GBE1: variants seen among roughly 807,000 people sequenced by gnomAD.
GBE1 encodes the protein 1,4-alpha-glucan-branching enzyme.
A neutral mutation model predicts 88.8 loss-of-function variants in GBE1; 70 were observed. That is an observed-to-expected ratio of 0.79 (90% CI 0.65 to 0.96). The LOEUF is 0.96. Among genes scored for constraint, GBE1 ranks in the 40% least tolerant of loss-of-function variants. The pLI, the probability that GBE1 is intolerant of heterozygous loss-of-function variation, is 0.00. For missense variants in GBE1, 872 were observed against 871.0 expected (o/e 1.00, Z -0.01); for synonymous variants, 284 against 300.1 (o/e 0.95, Z 0.56).
chr3:81,692,020 A>G lies in GBE1; in HGVS notation c.313+13424T>C, dbSNP rs191537120. On this transcript the variant is annotated intron_variant, in intron 2 of 15. Coordinates refer to ENST00000429644, the MANE Select transcript of GBE1 (RefSeq NM_000158.4). The stretch of plus-strand genomic sequence containing the variant: ...AACCTTATTACCCATGCCTTCTCCT[A>G]TGGCTTTTCTCAGGTGGGAAAACTG... Among the ~76,000 whole-genome samples, 14 of 152,224 alleles carry G rather than the reference A, an allele frequency of 9.2e-5. 1 individual carries two copies. Among genetic ancestry groups the G allele is most frequent in the Admixed American group, 7.8e-4 (12 of 15,292 alleles).
At chr3:81,570,865 A>G (rs1559648487) in intron 12 of GBE1, among the ~76,000 whole-genome samples, 1 of 152,234 alleles carries the variant, frequency 6.6e-6, no homozygotes, top group Non-Finnish European at 1.5e-5. Flanking sequence ...AAACATAATT[A>G]TATCTGTAAA....
At position 81,761,639 on chromosome 3, in the gene GBE1, C is replaced by G; in HGVS notation, c.-122G>C. The G allele has an allele frequency of 2.4e-6, 3 of 1,259,458 alleles. No homozygotes were observed. The highest frequency in any genetic ancestry group is 3.2e-6 in the Non-Finnish European group (3 of 932,500). 78.0% of individuals were successfully genotyped at this position (1,259,458 alleles called of 1,614,324 possible). A position where few individuals can be genotyped will look rare whatever the true frequency, so the allele number is the denominator to read the frequency against. ...CGGAGGGCGCCTAGGCGTGTCGAGG[C>G]AAGCCGAGGCGAGCCGCGGCGGTCC... is the stretch of plus-strand genomic sequence containing the variant. On this transcript the variant is annotated 5_prime_UTR_variant, in exon 1 of 16. Transcript: ENST00000429644.
chr3:81,749,790 AATG>A (rs1384404175), intron 1 of GBE1, among the ~76,000 whole-genome samples: 4 of 152,144 alleles, frequency 2.6e-5, no homozygotes, highest in African/African-American at 4.8e-5. Context: ...ATTATTTCAG[AATG>A]ATTTTTTTTA....
At chr3:81,612,303 G>C (rs1264411984) in intron 7 of GBE1, 1 of 806,478 alleles carries the variant, frequency 1.2e-6, no homozygotes, top group Non-Finnish European at 1.9e-6. Context: ...TTCTGCGTTT[G>C]ACTTTAATGT....
At chr3:81,529,832 T>C (rs1702990540) in intron 14 of GBE1, among the ~76,000 whole-genome samples, 2 of 152,046 alleles carry the variant, frequency 1.3e-5, no homozygotes, top group African/African-American at 4.8e-5. Flanking sequence ...ACAACCTTCT[T>C]GTCCTTGAGT....
rs139161848 is a variant in GBE1, at chr3:81,693,564, G to A, written c.313+11880C>T. On this transcript the variant is annotated intron_variant, in intron 2 of 15. Coordinates refer to ENST00000429644, the MANE Select transcript of GBE1 (RefSeq NM_000158.4). Reference sequence around the variant, plus strand: ...AAGGTTATTGTCCCTCTTGTGCATTGCTTGAATTTCCAAGACTTACTTAAC... The same window carrying A: ...AAGGTTATTGTCCCTCTTGTGCATTACTTGAATTTCCAAGACTTACTTAAC... 8.2e-3 allele frequency among the ~76,000 whole-genome samples: 1,244 copies of A among 152,230 alleles called. 10 individuals are homozygous for A. Among genetic ancestry groups the A allele is most frequent in the Non-Finnish European group, 0.014 (918 of 67,996 alleles).
At position 81,582,851 on chromosome 3, in the gene GBE1, C is replaced by T. The variant is rs144607776; in HGVS notation, c.1336-1576G>A. ...CTTAAACTTGATACCAAAAGAGAGACCTATACAAGGGAAAAAATGATAAAC... is the reference window on the plus strand; with the variant it reads ...CTTAAACTTGATACCAAAAGAGAGATCTATACAAGGGAAAAAATGATAAAC... On this transcript the variant is annotated intron_variant, in intron 10 of 15. Coordinates refer to ENST00000429644, the MANE Select transcript of GBE1 (RefSeq NM_000158.4). 7.9e-3 allele frequency among the ~76,000 whole-genome samples: 1,205 copies of T among 151,862 alleles called. 14 individuals carry two copies. The highest frequency in any genetic ancestry group is 0.026 in the African/African-American group (1,098 of 41,446).
chr3:81,630,839 G>T (rs1040533300), intron 7 of GBE1, among the ~76,000 whole-genome samples: 3 of 152,092 alleles, frequency 2.0e-5, no homozygotes, highest in Non-Finnish European at 4.4e-5. Context: ...CAATGTTATA[G>T]AAAATAGCTT....
intron 12 of GBE1, among the ~76,000 whole-genome samples, chr3:81,556,760 T>C (rs2106903524): frequency 6.6e-6 from 1 of 152,226 alleles, no homozygotes; most frequent in South Asian, 2.1e-4. Context: ...TCTCTGAATA[T>C]AAATTAGTCC....
At chr3:81,603,409 C>G (rs964739937) in intron 7 of GBE1, among the ~76,000 whole-genome samples, 1 of 151,982 alleles carries the variant, frequency 6.6e-6, no homozygotes, top group Non-Finnish European at 1.5e-5. Flanking sequence ...AGTATATAAA[C>G]AGATAATCTC....
chr3:81,640,227 G>A (rs1704651707), intron 7 of GBE1, among the ~76,000 whole-genome samples: 1 of 151,616 alleles, frequency 6.6e-6, no homozygotes, highest in Non-Finnish European at 1.5e-5. Context: ...TGCCAAAGGA[G>A]ATTAACATTT....
chr3:81,644,096 T>G (rs1704730913), intron 6 of GBE1, among the ~76,000 whole-genome samples: 1 of 152,144 alleles, frequency 6.6e-6, no homozygotes, highest in Non-Finnish European at 1.5e-5. Flanking sequence ...ATTCCTTTAT[T>G]TGTTTGCCAC....
chr3:81,645,347 A>G (rs1704747798), intron 6 of GBE1, among the ~76,000 whole-genome samples: 1 of 152,234 alleles, frequency 6.6e-6, no homozygotes, highest in African/African-American at 2.4e-5. Flanking sequence ...AGGTTAAAAT[A>G]TTCTGGAAGC....
intron 2 of GBE1, among the ~76,000 whole-genome samples, chr3:81,701,569 T>C: frequency 6.6e-6 from 1 of 152,088 alleles, no homozygotes; most frequent in Non-Finnish European, 1.5e-5. Context: ...AGGTACAAAA[T>C]TTCTCACATT....
intron 7 of GBE1, among the ~76,000 whole-genome samples, chr3:81,623,816 C>T (rs1446783646): frequency 6.6e-6 from 1 of 152,098 alleles, no homozygotes; most frequent in Non-Finnish European, 1.5e-5. Context: ...AGGTGAGAGC[C>T]ATCATGCCTG....
Position 81,548,093 on chromosome 3 carries a change from T to A in GBE1, c.1619-10998A>T, listed in dbSNP as rs569715635. Among the ~76,000 whole-genome samples, 7 of 151,470 alleles carry A rather than the reference T, an allele frequency of 4.6e-5. 1 individual carries two copies. Among genetic ancestry groups the A allele is most frequent in the African/African-American group, 1.7e-4 (7 of 41,354 alleles). On this transcript the variant is annotated intron_variant, in intron 12 of 15. Transcript: ENST00000429644. Reference sequence around the variant, plus strand: ...GAAATGAGTCCTTTCTGGTTTGATATCAGTGTGACATTTGCCATTTTTTAA... The same window carrying A: ...GAAATGAGTCCTTTCTGGTTTGATAACAGTGTGACATTTGCCATTTTTTAA...
chr3:81,755,042 C>T (rs182634393), intron 1 of GBE1, among the ~76,000 whole-genome samples: 1 of 151,992 alleles, frequency 6.6e-6, no homozygotes, highest in East Asian at 1.9e-4. Context: ...AACAGACAAC[C>T]CATAGAATAG....
chr3:81,717,214 T>A (rs1705950264), intron 1 of GBE1, among the ~76,000 whole-genome samples: 1 of 152,200 alleles, frequency 6.6e-6, no homozygotes, highest in South Asian at 2.1e-4. Context: ...GCATTCTGAC[T>A]TAATGTTTCA....
chr3:81,550,013 A>C (rs1703252291), intron 12 of GBE1, among the ~76,000 whole-genome samples: 2 of 151,522 alleles, frequency 1.3e-5, no homozygotes, highest in African/African-American at 4.8e-5. Context: ...AGAAATAAAA[A>C]GGATGAGTAA....
Sources: allele counts gnomAD v4.1 joint callset (sites outside exome capture counted in the v4.1 genomes callset), GRCh38; gene constraint gnomAD v4.1.1; transcripts MANE v1.5; gene names NCBI Gene and HGNC (gene_info 2026-07-23, HGNC 2026-07-21).